The following FARP1 variants were observed in gnomAD, a reference collection of about 807,000 sequenced individuals.
The protein encoded by FARP1 is FERM, ARHGEF and pleckstrin domain-containing protein 1.
A neutral mutation model predicts 128.8 loss-of-function variants in FARP1; 52 were observed. That is an observed-to-expected ratio of 0.40 (90% confidence interval 0.32 to 0.51). The LOEUF (loss-of-function observed/expected upper bound fraction) is 0.51. Among genes scored for constraint, FARP1 ranks in the 20% least tolerant of loss-of-function variants. The pLI is 0.45. For synonymous variants in FARP1, 580 were observed against 551.8 expected (o/e 1.05, Z -0.72); for missense variants, 1,333 against 1,367.9 (o/e 0.97, Z 0.40).
At chr13:98,409,896 C>G (rs186277950) in intron 14 of FARP1, among the ~76,000 whole-genome samples, 1 of 152,240 alleles carries the variant, frequency 6.6e-6, no homozygotes, top group Non-Finnish European at 1.5e-5. Flanking sequence ...AGCATTCTGT[C>G]TTCATGGATC....
In FARP1 at chr13:98,449,592, T is replaced by G. The variant is rs1239753724; in HGVS notation, c.*1275T>G. ...ACCTGAGAACCAGGAACGCACCCTC[T>G]CTGTGGAGCTCTGACTGGTGTAGCT... On this transcript the variant is annotated 3_prime_UTR_variant, in exon 27 of 27. Coordinates refer to ENST00000319562, the MANE Select transcript of FARP1 (RefSeq NM_005766.4). 2.0e-5 allele frequency: 3 copies of G among 152,488 alleles called. No homozygotes were observed. Among genetic ancestry groups the G allele is most frequent in the Non-Finnish European group, 2.9e-5 (2 of 68,036 alleles). 9.4% of individuals were successfully genotyped at this position (152,488 alleles called of 1,614,324 possible). A position where few individuals can be genotyped will look rare whatever the true frequency, so the allele number is the denominator to read the frequency against.
intron 2 of FARP1, among the ~76,000 whole-genome samples, chr13:98,223,140 A>G (rs552569684): frequency 3.3e-5 from 5 of 152,354 alleles, no homozygotes; most frequent in African/African-American, 1.2e-4. Flanking sequence ...CTGATGGGAC[A>G]GAAGCAGGGA....
chr13:98,208,642 G>A (rs1880458937), intron 1 of FARP1: 1 of 152,944 alleles, frequency 6.5e-6, no homozygotes, highest in Non-Finnish European at 1.5e-5. Flanking sequence ...GGCTTTGATG[G>A]ACCGTAGGTG....
intron 1 of FARP1, among the ~76,000 whole-genome samples, chr13:98,175,596 G>GTA (rs920416330): frequency 1.4e-4 from 21 of 151,594 alleles, no homozygotes; most frequent in African/African-American, 4.4e-4. Flanking sequence ...CTCATATTAG[G>GTA]TATATATATA....
At position 98,453,292 on chromosome 13, in the gene FARP1, G is replaced by T; in HGVS notation, c.*4975G>T. On this transcript the variant is annotated 3_prime_UTR_variant, in exon 27 of 27. Transcript: ENST00000319562. ...AATTCATATAGTAACCAAAATCTTA[G>T]TTTTCATAAGAAATTCCAAGTCATA... 7.1e-7 allele frequency: 1 copy of T among 1,401,046 alleles called. No homozygotes were observed. The highest frequency in any genetic ancestry group is 2.4e-5 in the East Asian group (1 of 42,186). The allele number at this position is 1,401,046 out of a possible 1,614,324, so 86.8% of individuals were successfully genotyped here.
intron 1 of FARP1, among the ~76,000 whole-genome samples, chr13:98,150,651 G>T (rs1951961740): frequency 6.6e-6 from 1 of 152,114 alleles, no homozygotes; most frequent in African/African-American, 2.4e-5. Context: ...TTGTCTGTAA[G>T]GCAAGAGAAA....
chr13:98,309,819 A>G (rs553246916), intron 2 of FARP1, among the ~76,000 whole-genome samples: 104 of 152,320 alleles, frequency 6.8e-4, no homozygotes, highest in African/African-American at 2.4e-3. Context: ...ACGGTGGGTG[A>G]ACGCTTGCAT....
At chr13:98,267,038 G>T (rs9584788) in intron 2 of FARP1, among the ~76,000 whole-genome samples, 1 of 140,206 alleles carries the variant, frequency 7.1e-6, no homozygotes, top group African/African-American at 2.7e-5. Flanking sequence ...AAAAAAAGGG[G>T]TGGTATACAA....
intron 25 of FARP1, 111 bp from the exon 26 acceptor site, chr13:98,446,555 G>A (rs1422042271): frequency 1.5e-5 from 17 of 1,156,350 alleles, no homozygotes; most frequent in African/African-American, 4.5e-5. Context: ...GCCCACGCCC[G>A]AGGAGGGAGC....
intron 2 of FARP1, among the ~76,000 whole-genome samples, chr13:98,233,129 AC>A (rs1434229366): frequency 6.6e-6 from 1 of 152,174 alleles, no homozygotes; most frequent in Non-Finnish European, 1.5e-5. Context: ...AGACCATCTC[AC>A]TTTTTCCATT....
At chr13:98,204,670 T>G in intron 1 of FARP1, among the ~76,000 whole-genome samples, 1 of 152,230 alleles carries the variant, frequency 6.6e-6, no homozygotes, top group East Asian at 1.9e-4. Context: ...TTTAAAATGT[T>G]TGGCTATTGG....
intron 1 of FARP1, among the ~76,000 whole-genome samples, chr13:98,169,032 TTTG>T (rs1429373411): frequency 3.3e-5 from 5 of 152,232 alleles, no homozygotes; most frequent in Non-Finnish European, 7.3e-5. Context: ...ACTGTTTTTT[TTTG>T]TTGTTAAGAT....
intron 5 of FARP1, among the ~76,000 whole-genome samples, chr13:98,373,571 CACACACACACAGAA>C (rs1194340927): frequency 6.6e-6 from 1 of 151,168 alleles, no homozygotes; most frequent in Non-Finnish European, 1.5e-5. Context: ...CACACACACA[CACACACACACAGAA>C]AGGGGGTTGC....
In FARP1 at chr13:98,429,720, T is replaced by C. The variant is rs9556955; in HGVS notation, c.1906-1323T>C. Reference sequence around the variant, plus strand: ...CTGGACAGCTGTGTTTCCAGCTTTTTCCGGGGCGTGGGAGTGGAGAAGCCA... The same window carrying C: ...CTGGACAGCTGTGTTTCCAGCTTTTCCCGGGGCGTGGGAGTGGAGAAGCCA... On this transcript the variant is annotated intron_variant, in intron 17 of 26. Coordinates refer to ENST00000319562, the MANE Select transcript of FARP1 (RefSeq NM_005766.4). Among the ~76,000 whole-genome samples, 1,404 of 152,194 alleles carry C rather than the reference T, an allele frequency of 9.2e-3. 18 individuals are homozygous for C. Among genetic ancestry groups the C allele is most frequent in the African/African-American group, 0.028 (1,158 of 41,522 alleles).
intron 16 of FARP1, 31 bp downstream of exon 16, chr13:98,412,065 C>T: frequency 2.5e-6 from 4 of 1,605,458 alleles, no homozygotes; most frequent in Non-Finnish European, 3.4e-6. Flanking sequence ...CAGCTACGTT[C>T]CTCCCTCCGT....
At chr13:98,322,831 C>T (rs1003533630) in intron 2 of FARP1, among the ~76,000 whole-genome samples, 11 of 152,150 alleles carry the variant, frequency 7.2e-5, no homozygotes, top group African/African-American at 1.7e-4. Flanking sequence ...ACACACATAC[C>T]GTATATACCA....
chr13:98,310,241 G>C (rs1886400059), intron 2 of FARP1, among the ~76,000 whole-genome samples: 1 of 152,112 alleles, frequency 6.6e-6, no homozygotes, highest in African/African-American at 2.4e-5. Flanking sequence ...TCACTCCAGA[G>C]AGGCAGGTCG....
At chr13:98,421,890 A>G (rs1456931077) in intron 16 of FARP1, among the ~76,000 whole-genome samples, 2 of 152,210 alleles carry the variant, frequency 1.3e-5, no homozygotes, top group Non-Finnish European at 2.9e-5. Flanking sequence ...AAATGGAGGA[A>G]GAGGATTTGG....
chr13:98,249,224 C>T (rs1425596757), intron 2 of FARP1, among the ~76,000 whole-genome samples: 1 of 152,078 alleles, frequency 6.6e-6, no homozygotes, highest in African/African-American at 2.4e-5. Context: ...CATGGGTGCT[C>T]ATTTAGACGA....
Sources: allele counts gnomAD v4.1 joint callset (sites outside exome capture counted in the v4.1 genomes callset), GRCh38; gene constraint gnomAD v4.1.1; transcripts MANE v1.5; gene names NCBI Gene and HGNC (gene_info 2026-07-23, HGNC 2026-07-21).